The following GAS6 variants were observed in gnomAD, a reference collection of about 807,000 sequenced individuals.
The protein encoded by GAS6 is growth arrest-specific protein 6.
In GAS6, 41 loss-of-function variants were observed where a neutral mutation model predicts 75.8. The ratio of observed to expected loss-of-function variants is 0.54; its 90% confidence interval spans 0.42 to 0.70. The LOEUF (loss-of-function observed/expected upper bound fraction) is 0.70, where lower values mean the gene tolerates loss of function less well. Among genes scored for constraint, GAS6 ranks in the 30% least tolerant of loss-of-function variants. GAS6 has a pLI of 0.00. For missense variants in GAS6, 854 were observed against 940.2 expected, an observed-to-expected ratio of 0.91 and a Z score of 1.20; for synonymous variants, 432 against 412.6, an observed-to-expected ratio of 1.05 and a Z score of -0.57.
Position 113,852,818 on chromosome 13 carries a change from C to T in GAS6, c.256-4768G>A, listed in dbSNP as rs147133862. ...TGTAGCCTGGCCACCCATGCGGCAA[C>T]CCTACCAGCAGGGCACTGCGGTTCT... On this transcript the variant is annotated intron_variant, in intron 2 of 14. Transcript: ENST00000327773. Among the ~76,000 whole-genome samples the T allele has an allele frequency of 6.2e-4, 95 of 152,356 alleles. 2 individuals are homozygous for T. The East Asian group carries it at 0.016, about 26-fold the overall frequency.
chr13:113,857,891 G>T (rs1021895803), intron 2 of GAS6, among the ~76,000 whole-genome samples: 3 of 152,234 alleles, frequency 2.0e-5, no homozygotes, highest in Non-Finnish European at 4.4e-5. Flanking sequence ...GCAGACGCCC[G>T]GGTGAAAACA....
chr13:113,835,232 C>T (rs1026386736), intron 7 of GAS6, among the ~76,000 whole-genome samples: 1 of 152,192 alleles, frequency 6.6e-6, no homozygotes, highest in African/African-American at 2.4e-5. Context: ...GGAGAGGCCC[C>T]GTCTATGCAG....
Position 113,863,508 on chromosome 13 carries a change from T to A in GAS6, c.255+67A>T. ...GCTGGGGGGCGGCAGCAGCGCTGCC[T>A]CTCGGGAGCGGTTGGAGGCGCGCGG... On this transcript the variant is annotated intron_variant, in intron 2 of 14. Transcript: ENST00000327773. This position sits in a 1 kb window ranked among gnomAD's most constrained non-coding sequence, Gnocchi z 9.4. 1 of 1,428,050 alleles carries A rather than the reference T, an allele frequency of 7.0e-7. No homozygotes were observed. 88.5% of individuals were successfully genotyped at this position (1,428,050 alleles called of 1,614,324 possible). A position where few individuals can be genotyped will look rare whatever the true frequency, so the allele number is the denominator to read the frequency against.
At chr13:113,828,987 C>G (rs2051590834) in intron 10 of GAS6, among the ~76,000 whole-genome samples, 1 of 103,990 alleles carries the variant, frequency 9.6e-6, no homozygotes, top group Non-Finnish European at 1.7e-5. Context: ...TCCCCTGAGC[C>G]AAGAGGGTCC....
intron 14 of GAS6, 189 bp from the exon 15 acceptor site, chr13:113,821,207 T>G: frequency 1.6e-6 from 1 of 627,532 alleles, no homozygotes; most frequent in Admixed American, 2.8e-5. Context: ...AGGAGGCATC[T>G]GCCAGCCTGG....
chr13:113,834,146 A>G (rs1446068351), intron 8 of GAS6, among the ~76,000 whole-genome samples: 6 of 134,040 alleles, frequency 4.5e-5, no homozygotes, highest in East Asian at 2.4e-4. Flanking sequence ...GACAGGCACC[A>G]GTGTGACAGG....
chr13:113,822,269 G>A, intron 13 of GAS6, 83 bp from the exon 14 acceptor site: 1 of 1,098,526 alleles, frequency 9.1e-7, no homozygotes, highest in Non-Finnish European at 1.3e-6. Context: ...CACAGCTGCT[G>A]GCCACCCCTA....
chr13:113,849,158 T>C (rs1438719954), intron 2 of GAS6, among the ~76,000 whole-genome samples: 1 of 152,136 alleles, frequency 6.6e-6, no homozygotes, highest in Non-Finnish European at 1.5e-5. Context: ...CACAAAGTTG[T>C]GTTCTAGGAA....
intron 8 of GAS6, chr13:113,833,602 A>G: frequency 1.0e-6 from 1 of 1,002,456 alleles, no homozygotes; most frequent in Non-Finnish European, 1.2e-6. Context: ...GGTCGGTGTG[A>G]CAGGCACCGG....
chr13:113,847,784 G>A lies in GAS6; in HGVS notation c.280+242C>T, dbSNP rs559882643. 50 of 545,744 alleles carry A rather than the reference G, an allele frequency of 9.2e-5. 1 individual carries two copies. In the South Asian group the frequency reaches 9.9e-4, roughly 11 times the overall value. 33.8% of individuals were successfully genotyped at this position (545,744 alleles called of 1,614,324 possible). Reference sequence around the variant, plus strand: ...GAGCTGAGCCTGGCATCAACTCAGAGAAGGGGTTTGCAGATAACAGCATTC... The same window carrying A: ...GAGCTGAGCCTGGCATCAACTCAGAAAAGGGGTTTGCAGATAACAGCATTC... On this transcript the variant is annotated intron_variant, in intron 3 of 14. Coordinates refer to ENST00000327773, the MANE Select transcript of GAS6 (RefSeq NM_000820.4).
In GAS6 at chr13:113,858,955, CAT is replaced by C. The variant is rs559564684; in HGVS notation, c.255+4618_255+4619del. On this transcript the variant is annotated intron_variant, in intron 2 of 14. Transcript: ENST00000327773. ...TGTGTGCGTGTCATGCATGTGTGTA[CAT>C]GTCTGTGTGACTGTATGTCTATATG... 4.6e-3 allele frequency among the ~76,000 whole-genome samples: 651 copies of C among 142,682 alleles called. 9 individuals carry two copies. Among genetic ancestry groups the C allele is most frequent in the African/African-American group, 0.015 (555 of 38,070 alleles). 93.6% of individuals were successfully genotyped at this position (142,682 alleles called of 152,430 possible). A position where few individuals can be genotyped will look rare whatever the true frequency, so the allele number is the denominator to read the frequency against.
At chr13:113,824,886 C>G (rs7399620) in intron 12 of GAS6, among the ~76,000 whole-genome samples, 30,652 of 152,024 alleles carry the variant, frequency 0.2, 3,577 homozygotes, top group South Asian at 0.46. Flanking sequence ...GCCGGTCTTC[C>G]CATAACCTGT....
At chr13:113,835,124 C>T (rs1251384905) in intron 7 of GAS6, among the ~76,000 whole-genome samples, 1 of 152,248 alleles carries the variant, frequency 6.6e-6, no homozygotes, top group Admixed American at 6.5e-5. Flanking sequence ...ACTGGGGGCA[C>T]GGCCCCTCTT....
At chr13:113,835,438 G>A in intron 7 of GAS6, 75 bp downstream of exon 7, 2 of 1,551,426 alleles carry the variant, frequency 1.3e-6, no homozygotes, top group Non-Finnish European at 8.8e-7. Flanking sequence ...TTAGCAACCG[G>A]CTCGGGCAGT....
At chr13:113,825,191 G>A (rs2051519504) in intron 12 of GAS6, among the ~76,000 whole-genome samples, 1 of 135,114 alleles carries the variant, frequency 7.4e-6, no homozygotes, top group African/African-American at 3.0e-5. Flanking sequence ...CCAAGATCGT[G>A]CCATTGTACT....
intron 2 of GAS6, among the ~76,000 whole-genome samples, chr13:113,851,689 G>C (rs919741075): frequency 6.6e-6 from 1 of 152,234 alleles, no homozygotes; most frequent in African/African-American, 2.4e-5. Context: ...GTGAATGAAT[G>C]AATCAGTGGG....
intron 4 of GAS6, chr13:113,843,131 G>A (rs2051803452): frequency 3.1e-6 from 1 of 321,232 alleles, no homozygotes; most frequent in Admixed American, 5.0e-5. Context: ...AACCTCTGCA[G>A]GCCCCCGAGG....
At position 113,820,816 on chromosome 13, in the gene GAS6, C is replaced by T. The variant is rs771842859; in HGVS notation, c.*48G>A. 1.2e-5 allele frequency: 19 copies of T among 1,581,922 alleles called. No homozygotes were observed. Among genetic ancestry groups the T allele is most frequent in the Middle Eastern group, 4.5e-4 (2 of 4,464 alleles). On this transcript the variant is annotated 3_prime_UTR_variant, in exon 15 of 15. Coordinates refer to ENST00000327773, the MANE Select transcript of GAS6 (RefSeq NM_000820.4). The stretch of plus-strand genomic sequence containing the variant: ...TGGTGAGGAGCCCCCAGGCTCCTCC[C>T]GGCTGTCTCGGACAGAGACTGAGAA...
intron 2 of GAS6, among the ~76,000 whole-genome samples, chr13:113,860,162 CAAAG>C (rs2051959092): frequency 1.3e-5 from 2 of 152,142 alleles, no homozygotes; most frequent in Non-Finnish European, 2.9e-5. Flanking sequence ...CAGAGGGAGA[CAAAG>C]AAAGAGATGG....
Sources: allele counts gnomAD v4.1 joint callset (sites outside exome capture counted in the v4.1 genomes callset), GRCh38; gene constraint gnomAD v4.1.1; non-coding constraint Gnocchi (gnomAD v3.1); transcripts MANE v1.5; gene names NCBI Gene and HGNC (gene_info 2026-07-23, HGNC 2026-07-21).